The following PEMT variants were observed in gnomAD, a reference collection of about 807,000 sequenced individuals.
PEMT encodes phospholipid methyltransferase.
In PEMT, 23 loss-of-function variants were observed where a neutral mutation model predicts 27.4. That is an observed-to-expected ratio of 0.84 (90% confidence interval 0.60 to 1.19). The LOEUF is 1.19. PEMT is among the 50% of genes most tolerant of loss of function. The probability of loss-of-function intolerance (pLI) is 0.00; values close to 1 mark genes in which losing one functional copy is unlikely to be tolerated. For missense variants in PEMT, 307 were observed against 310.1 expected (o/e 0.99, Z 0.07); for synonymous variants, 137 against 139.1 (o/e 0.98, Z 0.11).
intron 2 of PEMT, among the ~76,000 whole-genome samples, chr17:17,551,715 C>T (rs1046034596): frequency 8.5e-5 from 13 of 152,278 alleles, no homozygotes; most frequent in African/African-American, 3.1e-4. Context: ...CAAGGAGAGT[C>T]CTGAAAAAGT....
chr17:17,545,462 G>A (rs894472652), intron 2 of PEMT, among the ~76,000 whole-genome samples: 7 of 152,218 alleles, frequency 4.6e-5, no homozygotes, highest in South Asian at 2.1e-4. Context: ...TCTTGTGGCC[G>A]CCGTCCCCAC....
intron 5 of PEMT, chr17:17,508,671 G>A (rs1269774677): frequency 8.1e-5 from 32 of 393,158 alleles, no homozygotes; most frequent in South Asian, 3.2e-4. Flanking sequence ...GTATGAAGCC[G>A]AGGGCAGCGC....
intron 2 of PEMT, among the ~76,000 whole-genome samples, chr17:17,573,159 A>G: frequency 6.6e-6 from 1 of 151,498 alleles, no homozygotes; most frequent in East Asian, 1.9e-4. Flanking sequence ...ACTGCACTCC[A>G]GCCTGGGCAA....
intron 1 of PEMT, among the ~76,000 whole-genome samples, chr17:17,590,249 T>C (rs1420046713): frequency 2.0e-5 from 3 of 152,230 alleles, no homozygotes; most frequent in African/African-American, 7.2e-5. Flanking sequence ...AGTAATAGTC[T>C]TCTTCCTGTC....
chr17:17,554,734 G>A (rs1031101096), intron 2 of PEMT, among the ~76,000 whole-genome samples: 1 of 152,102 alleles, frequency 6.6e-6, no homozygotes, highest in African/African-American at 2.4e-5. Flanking sequence ...TCCTGCCTCA[G>A]CCTCCCGAGT....
In PEMT at chr17:17,506,134, C is replaced by A. The variant is rs1905815602; in HGVS notation, c.653+93G>T. 5.2e-6 allele frequency: 6 copies of A among 1,163,234 alleles called. No individual in the cohort carries two copies. In the South Asian group the frequency reaches 6.0e-5, roughly 12 times the overall value. 72.1% of individuals were successfully genotyped at this position (1,163,234 alleles called of 1,614,324 possible). A position where few individuals can be genotyped will look rare whatever the true frequency, so the allele number is the denominator to read the frequency against. ...GTGGGCCTGGCTGACGGCAGCCTGTCCTGAGCCTGCCCTGGCCACAAGGAA... is the reference window on the plus strand; with the variant it reads ...GTGGGCCTGGCTGACGGCAGCCTGTACTGAGCCTGCCCTGGCCACAAGGAA... On this transcript the variant is annotated intron_variant, in intron 6 of 6. Coordinates refer to ENST00000255389, the MANE Select transcript of PEMT (RefSeq NM_148172.3).
At position 17,522,341 on chromosome 17, in the gene PEMT, A is replaced by AG; in HGVS notation, c.258dup (p.Tyr87LeufsTer71). ...ACGCTTAGAGAGTAGCAGGCCAGGT[A>AG]GGGGGATCCGAAGGCCCTGCTCAGC... On this transcript the variant is annotated frameshift_variant, in exon 3 of 7. Transcript: ENST00000255389. LOFTEE classifies it high-confidence loss of function. 3.1e-6 allele frequency: 5 copies of AG among 1,612,712 alleles called. No homozygotes were observed. The highest frequency in any genetic ancestry group is 1.3e-5 in the African/African-American group (1 of 74,780).
chr17:17,591,978 G>C, upstream of PEMT: 3 of 985,420 alleles, frequency 3.0e-6, no homozygotes, highest in Non-Finnish European at 3.6e-6. Flanking sequence ...TGGCGTCCCT[G>C]CCCTTGCCTG....
intron 1 of PEMT, among the ~76,000 whole-genome samples, chr17:17,589,613 C>T (rs560798285): frequency 5.3e-5 from 8 of 152,272 alleles, no homozygotes; most frequent in East Asian, 3.9e-4. Flanking sequence ...GGGCTAGCAC[C>T]GGAGATCCTG....
chr17:17,568,725 G>GGCA (rs1409879395), intron 2 of PEMT, among the ~76,000 whole-genome samples: 3 of 152,306 alleles, frequency 2.0e-5, no homozygotes, highest in Admixed American at 6.5e-5. Context: ...TGGAAACTGA[G>GGCA]GCAGCAGCAG....
At chr17:17,519,718 C>T (rs1907123830) in intron 3 of PEMT, among the ~76,000 whole-genome samples, 1 of 152,194 alleles carries the variant, frequency 6.6e-6, no homozygotes, top group Admixed American at 6.5e-5. Flanking sequence ...ACAGGCTGTG[C>T]TGCTGGACCA....
Position 17,528,727 on chromosome 17 carries a change from C to T in PEMT, c.205-6332G>A, listed in dbSNP as rs1392529789. Among the ~76,000 whole-genome samples the T allele has an allele frequency of 2.0e-5, 3 of 152,170 alleles. No individual in the cohort carries two copies. The East Asian group carries it at 5.8e-4, about 29-fold the overall frequency. On this transcript the variant is annotated intron_variant, in intron 2 of 6. Transcript: ENST00000255389. ...GTCAGGGACCTCAGAGGCGGTGGAG[C>T]CCAGCCCTCCATTGGCCTTCTGAAC...
At chr17:17,562,798 G>A (rs191752238) in intron 2 of PEMT, among the ~76,000 whole-genome samples, 142 of 152,158 alleles carry the variant, frequency 9.3e-4, no homozygotes, top group African/African-American at 3.1e-3. Flanking sequence ...GACAGAGCAA[G>A]AGTCTGTCTC....
intron 2 of PEMT, among the ~76,000 whole-genome samples, chr17:17,539,421 C>T (rs984091451): frequency 2.6e-5 from 4 of 152,226 alleles, no homozygotes; most frequent in Non-Finnish European, 5.9e-5. Context: ...TCCCGTTTCC[C>T]TCCTCAAGTG....
In PEMT at chr17:17,516,160, C is replaced by T. The variant is rs571168925; in HGVS notation, c.321-3506G>A. ...CCATGTGTGGCCTGAGTGCCATGTA[C>T]TCCACATCCTTCACCCCAGGCTTGG... On this transcript the variant is annotated intron_variant, in intron 3 of 6. Transcript: ENST00000255389. Among the ~76,000 whole-genome samples, 7 of 152,292 alleles carry T rather than the reference C, an allele frequency of 4.6e-5. No homozygotes were observed. In the South Asian group the frequency reaches 1.0e-3, roughly 23 times the overall value.
At chr17:17,566,320 T>C (rs1380734368) in intron 2 of PEMT, among the ~76,000 whole-genome samples, 11 of 151,856 alleles carry the variant, frequency 7.2e-5, no homozygotes, top group African/African-American at 2.7e-4. Flanking sequence ...TGGGGGTGAG[T>C]GTGCCTGGTT....
chr17:17,520,822 G>A (rs568775853), intron 3 of PEMT, among the ~76,000 whole-genome samples: 2 of 152,366 alleles, frequency 1.3e-5, no homozygotes, highest in South Asian at 2.1e-4. Flanking sequence ...GGTCCAGTGC[G>A]GAAGGCTGAC....
At chr17:17,508,864 C>A in intron 5 of PEMT, 1 of 401,042 alleles carries the variant, frequency 2.5e-6, no homozygotes, top group Admixed American at 3.2e-5. Context: ...ACAGGGAGTT[C>A]TGTCAGCTGC....
chr17:17,551,929 G>A (rs1412735659), intron 2 of PEMT, among the ~76,000 whole-genome samples: 1 of 152,230 alleles, frequency 6.6e-6, no homozygotes, highest in Non-Finnish European at 1.5e-5. Flanking sequence ...AAGGCTGGGC[G>A]CATTGGCTCA....
Sources: allele counts gnomAD v4.1 joint callset (sites outside exome capture counted in the v4.1 genomes callset), GRCh38; gene constraint gnomAD v4.1.1; transcripts MANE v1.5; gene names NCBI Gene and HGNC (gene_info 2026-07-23, HGNC 2026-07-21).